GET1: variants seen among roughly 807,000 people sequenced by gnomAD.
GET1 encodes congenital heart disease 5 protein.
In GET1, 20 loss-of-function variants were observed where a neutral mutation model predicts 22.6. The ratio of observed to expected loss-of-function variants is 0.89; its 90% CI spans 0.62 to 1.29. The LOEUF (loss-of-function observed/expected upper bound fraction) is 1.29, where lower values mean the gene tolerates loss of function less well. Ranked by LOEUF, GET1 falls within the 50% of genes most tolerant of loss-of-function variation. The pLI is 0.00. For synonymous variants in GET1, 92 were observed against 83.8 expected, an observed-to-expected ratio of 1.10 and a Z score of -0.53; for missense variants, 209 against 219.9, an observed-to-expected ratio of 0.95 and a Z score of 0.31.
At chr21:39,400,665 G>T (rs1362074688), downstream of GET1, among the ~76,000 whole-genome samples, 1 of 152,148 alleles carries the variant, frequency 6.6e-6, no homozygotes, top group East Asian at 1.9e-4. Context: ...AACACCATTG[G>T]AATCCCAGGC....
chr21:39,409,293 C>A (rs1321120659), downstream of GET1, among the ~76,000 whole-genome samples: 1 of 151,978 alleles, frequency 6.6e-6, no homozygotes, highest in Non-Finnish European at 1.5e-5. The surrounding 1 kb of genome is among the most constrained non-coding windows in gnomAD (Gnocchi z 4.2). Flanking sequence ...CTCGGACTTC[C>A]TAGCCTCCAG....
At chr21:39,413,277 C>T (rs2040428284) in intron 1 of GET1, among the ~76,000 whole-genome samples, 1 of 152,094 alleles carries the variant, frequency 6.6e-6, no homozygotes, top group African/African-American at 2.4e-5. Context: ...GCCCAGGATG[C>T]CATCTCCACT....
At chr21:39,428,350 ACT>A (rs745774892) in exon 2 of GET1, 12 of 1,612,142 alleles carry the variant, frequency 7.4e-6, no homozygotes, top group Non-Finnish European at 1.0e-5. Flanking sequence ...TATAATCAAC[ACT>A]CTTATTGGAA....
exon 2 of GET1, chr21:39,428,376 GTGAAAA>G: frequency 6.2e-7 from 1 of 1,613,274 alleles, no homozygotes; most frequent in Non-Finnish European, 8.5e-7. Context: ...TTACTGTTCC[GTGAAAA>G]ATCGCCTGTG....
intron 4 of GET1, among the ~76,000 whole-genome samples, chr21:39,405,338 C>A (rs570586616): frequency 6.6e-6 from 1 of 152,014 alleles, no homozygotes; most frequent in African/African-American, 2.4e-5. Flanking sequence ...GGACTACAGG[C>A]ACACACCACC....
intron 1 of GET1, among the ~76,000 whole-genome samples, chr21:39,421,316 G>T (rs1457527148): frequency 6.6e-6 from 1 of 152,088 alleles, no homozygotes; most frequent in African/African-American, 2.4e-5. Context: ...TGGCCAGGCT[G>T]GTCTCAAGCT....
downstream of GET1, among the ~76,000 whole-genome samples, chr21:39,409,790 C>T (rs2039773288): frequency 6.6e-6 from 1 of 152,156 alleles, no homozygotes; most frequent in South Asian, 2.1e-4. This position sits in a 1 kb window ranked among gnomAD's most constrained non-coding sequence, Gnocchi z 4.2. Flanking sequence ...GATAGGGTTT[C>T]ACCATGTTGG....
rs528758713 is a variant in GET1 at position 39,405,223 on chromosome 21, G to T, written c.350-691G>T. Among the ~76,000 whole-genome samples the T allele has an allele frequency of 3.9e-5, 6 of 151,954 alleles. No homozygotes were observed. In the East Asian group the frequency reaches 9.7e-4, roughly 24 times the overall value. On this transcript the variant is annotated intron_variant, in intron 4 of 4. Coordinates refer to the GET1 transcript ENST00000415847. ...TTTTGTTTTTATTTTTTGAGACACGGTCTCACTCCGATTGCCCAAGCTAGA... is the reference window on the plus strand; with the variant it reads ...TTTTGTTTTTATTTTTTGAGACACGTTCTCACTCCGATTGCCCAAGCTAGA...
intron 1 of GET1, among the ~76,000 whole-genome samples, chr21:39,420,138 C>T (rs553280360): frequency 6.6e-6 from 1 of 152,224 alleles, no homozygotes; most frequent in Admixed American, 6.5e-5. Context: ...AGTACACATT[C>T]GCCAAGCTGT....
At chr21:39,396,021 G>A (rs1006154136) in intron 4 of GET1, among the ~76,000 whole-genome samples, 1 of 152,208 alleles carries the variant, frequency 6.6e-6, no homozygotes, top group African/African-American at 2.4e-5. Flanking sequence ...TCTCTGGCAG[G>A]AAAGGGAAAT....
chr21:39,391,918 G>A, intron 3 of GET1, 82 bp downstream of exon 3: 1 of 1,384,428 alleles, frequency 7.2e-7, no homozygotes, highest in Non-Finnish European at 1.0e-6. Flanking sequence ...CCAGGGCTGG[G>A]AGTTCGGGCT....
chr21:39,394,293 C>T (rs138182453), intron 4 of GET1, among the ~76,000 whole-genome samples: 85 of 152,250 alleles, frequency 5.6e-4, no homozygotes, highest in African/African-American at 2.0e-3. Context: ...CAGTGTACCC[C>T]AGCCTGGGTG....
At chr21:39,427,081 G>C (rs1367722807) in intron 1 of GET1, among the ~76,000 whole-genome samples, 1 of 152,226 alleles carries the variant, frequency 6.6e-6, no homozygotes, top group East Asian at 1.9e-4. Context: ...GACACAGCTG[G>C]TAACAGCAGA....
At chr21:39,428,497 A>T (rs2075147682) in exon 2 of GET1, 7 of 1,520,550 alleles carry the variant, frequency 4.6e-6, no homozygotes, top group Non-Finnish European at 6.2e-6. Context: ...AAGACATAGC[A>T]AACAACCTAA....
At chr21:39,388,637 G>A (rs2038085364) in intron 1 of GET1, among the ~76,000 whole-genome samples, 1 of 152,212 alleles carries the variant, frequency 6.6e-6, no homozygotes, top group African/African-American at 2.4e-5. Flanking sequence ...ACTGGGATTT[G>A]GGGATGTTCG....
downstream of GET1, among the ~76,000 whole-genome samples, chr21:39,408,863 G>A (rs116769475): frequency 2.7e-3 from 409 of 152,204 alleles, 5 homozygotes; most frequent in African/African-American, 9.3e-3. Flanking sequence ...CTGAAGCTGG[G>A]GTCCTTTTTC....
chr21:39,427,011 T>C lies in GET1; in HGVS notation c.*24-1221T>C, dbSNP rs575578023. Among the ~76,000 whole-genome samples, 23 of 152,352 alleles carry C rather than the reference T, an allele frequency of 1.5e-4. 1 individual carries two copies. The highest frequency in any genetic ancestry group is 3.6e-4 in the African/African-American group (15 of 41,586). On this transcript the variant is annotated intron_variant, in intron 1 of 1. Transcript: ENST00000478273. The stretch of plus-strand genomic sequence containing the variant: ...ACATGTGTCTTAGATAAAGAATCCC[T>C]GTGCTATAGCAGGGGAACTGAAGAT...
downstream of GET1, among the ~76,000 whole-genome samples, chr21:39,400,590 A>T (rs1187329464): frequency 6.6e-6 from 1 of 152,156 alleles, no homozygotes; most frequent in Non-Finnish European, 1.5e-5. Context: ...CTGCTCTCTT[A>T]TAAGGCCTGC....
Position 39,391,795 on chromosome 21 carries a change from A to G in GET1, c.295A>G (p.Lys99Glu). 6.2e-7 allele frequency: 1 copy of G among 1,614,174 alleles called. No individual in the cohort carries two copies. The highest frequency in any genetic ancestry group is 8.5e-7 in the Non-Finnish European group (1 of 1,180,038). Residue 99 changes from lysine (K) to glutamate (E), a missense_variant, in exon 3 of 5, where the codon AAG (lysine) becomes GAG (glutamate). Coordinates refer to ENST00000649170, the MANE Select transcript of GET1 (RefSeq NM_004627.6). ...GAAAGCTCGGACAGCTCAATTAGCC[A>G]AGATAAAATGGGTGATAAGTGTCGC... is the stretch of plus-strand genomic sequence containing the variant. ...HVKARTAQLAKIKWVISVAFY... is the reference protein window; with the variant it reads ...HVKARTAQLAEIKWVISVAFY...
Sources: gnomAD v4.1 joint callset for allele counts (sites outside exome capture counted in the v4.1 genomes callset) on GRCh38, gnomAD v4.1.1 for gene constraint, Gnocchi (gnomAD v3.1) non-coding constraint, MANE v1.5 for transcripts, NCBI Gene and HGNC (gene_info 2026-07-23, HGNC 2026-07-21) for gene names.